The following CCDC78 variants were observed in gnomAD, a reference collection of about 807,000 sequenced individuals.
CCDC78 encodes the protein coiled-coil domain-containing protein 78.
A neutral mutation model predicts 61.9 loss-of-function variants in CCDC78; 78 were observed. The ratio of observed to expected loss-of-function variants is 1.26; its 90% confidence interval spans 1.05 to 1.52. The LOEUF is 1.52. Ranked by LOEUF, CCDC78 falls within the 40% of genes most tolerant of loss-of-function variation. CCDC78 has a pLI of 0.00. For synonymous variants in CCDC78, 287 were observed against 251.9 expected, an observed-to-expected ratio of 1.14 and a Z score of -1.32; for missense variants, 737 against 615.5, an observed-to-expected ratio of 1.20 and a Z score of -2.09.
At position 724,156 on chromosome 16, in the gene CCDC78, C is replaced by T; in HGVS notation, c.1003G>A (p.Glu335Lys). ...AIFDIASLDL[E>K]PLPVPLVTDF... is the part of the protein sequence containing the mutation. ...GTGACCAGGGGCACGGGCAATGGTT[C>T]CAGGTCCAAGCTGGCTATGTCAAAA... The change falls in exon 10 of 14, where the codon GAA (glutamate) becomes AAA (lysine). Residue 335 changes from glutamate (E) to lysine (K), a missense_variant. Glu to Lys is a moderately conservative substitution (Grantham distance 56). Coordinates refer to ENST00000345165, the MANE Select transcript of CCDC78 (RefSeq NM_001378030.1). 1 of 1,605,926 alleles carries T rather than the reference C, an allele frequency of 6.2e-7. No individual in the cohort carries two copies. Among genetic ancestry groups the T allele is most frequent in the Non-Finnish European group, 8.5e-7 (1 of 1,176,220 alleles).
At chr16:723,397 A>G (rs2040442529) in intron 11 of CCDC78, 1 of 700,102 alleles carries the variant, frequency 1.4e-6, no homozygotes, top group South Asian at 1.5e-5. Flanking sequence ...GGGCTAAACC[A>G]CAAGGCCAGC....
intron 4 of CCDC78, 27 bp from the exon 5 acceptor site, chr16:725,320 C>CT: frequency 6.2e-7 from 1 of 1,610,036 alleles, no homozygotes; most frequent in Non-Finnish European, 8.5e-7. Flanking sequence ...GCAGGGAAAG[C>CT]TAAGGGGTGG....
At chr16:724,265 G>A in intron 9 of CCDC78, 57 bp downstream of exon 9, 2 of 1,590,162 alleles carry the variant, frequency 1.3e-6, no homozygotes, top group Non-Finnish European at 1.7e-6. Context: ...AGCCTTTGAG[G>A]CACAGAGGCT....
At chr16:726,650 A>G (rs1179208091), upstream of CCDC78, 4 of 523,488 alleles carry the variant, frequency 7.6e-6, no homozygotes, top group East Asian at 1.4e-4. Context: ...GAAAGCGCCC[A>G]GCCTGGGCGC....
rs893873268 is a variant in CCDC78, at chr16:726,339, C to T, written c.29G>A (p.Arg10Lys). The part of the protein sequence containing the change: MEHAATTGP[R>K]PGPPSRRVEN... ...CACCCGCCGAGAGGGAGGTCCAGGC[C>T]TGGGGCCTGTGGTGGCTGCGTGCTC... Residue 10 changes from arginine to lysine, a missense_variant, in exon 1 of 14, where the codon AGG becomes AAG. Arg to Lys is a conservative substitution (Grantham distance 26). Transcript: ENST00000345165. 13 of 1,545,636 alleles carry T rather than the reference C, an allele frequency of 8.4e-6. No homozygotes were observed. The highest frequency in any genetic ancestry group is 8.3e-5 in the South Asian group (7 of 84,018).
At chr16:724,847 ACCCCGGCTGAGCTTCTGGGGC>A in intron 7 of CCDC78, 41 bp from the exon 8 acceptor site, 1 of 1,608,388 alleles carries the variant, frequency 6.2e-7, no homozygotes, top group Non-Finnish European at 8.5e-7. Context: ...CTGAGAGTGG[ACCCCGGCTGAGCTTCTGGGGC>A]CCCCACCCTC....
rs770164131 is a variant in CCDC78 at position 725,548 on chromosome 16, C to T, written c.300G>A (p.Leu100=). ...ILRLESRVLE[L]ELRGDGTSQG... The stretch of plus-strand genomic sequence containing the variant: ...GGCTGGTGCCATCTCCTCGCAGCTC[C>T]AGCTCCAGTACCCGGCTCTCCAGCC... The change falls in exon 4 of 14, where the codon CTG becomes CTA. Residue 100 remains leucine (L), a synonymous_variant. Coordinates refer to ENST00000345165, the MANE Select transcript of CCDC78 (RefSeq NM_001378030.1). The T allele has an allele frequency of 1.2e-6, 2 of 1,611,294 alleles. No homozygotes were observed. Among genetic ancestry groups the T allele is most frequent in the African/African-American group, 1.3e-5 (1 of 74,938 alleles).
intron 1 of CCDC78, 56 bp from the exon 2 acceptor site, chr16:726,141 C>T (rs951876219): frequency 6.5e-7 from 1 of 1,550,054 alleles, no homozygotes; most frequent in African/African-American, 1.4e-5. Flanking sequence ...GCTGTGGCCC[C>T]ACTCCCATGC....
At chr16:726,709 T>C (rs942806854), upstream of CCDC78, 45 of 452,124 alleles carry the variant, frequency 1.0e-4, no homozygotes, top group Non-Finnish European at 1.6e-4. Context: ...CAGGATGCCC[T>C]GAGCTACACT....
intron 11 of CCDC78, chr16:723,637 C>T (rs1414839879): frequency 2.9e-6 from 2 of 698,606 alleles, no homozygotes; most frequent in Admixed American, 2.0e-5. Context: ...TGTTCAAGGC[C>T]AGCTCCACCT....
chr16:726,107 T>C lies in CCDC78; in HGVS notation c.61-22A>G. ...CAACCTGGGGAGGTACCGCCACCCA[T>C]TCCCCAGGTGGGTCCCAGGCTGGGC... On this transcript the variant is annotated intron_variant, in intron 1 of 13. Transcript: ENST00000345165. The C allele has an allele frequency of 2.6e-6, 4 of 1,549,246 alleles. No homozygotes were observed. The highest frequency in any genetic ancestry group is 3.5e-6 in the Non-Finnish European group (4 of 1,146,646).
chr16:724,589 G>A lies in CCDC78; in HGVS notation c.766-80C>T, dbSNP rs758020711. On this transcript the variant is annotated intron_variant, in intron 8 of 13. Transcript: ENST00000345165. ...TCCCCCCACCCCAGCAGGCTGAGCA[G>A]TGCCGGGGCCCTGGGGTCTCCCTGA... 4.5e-6 allele frequency: 7 copies of A among 1,560,354 alleles called. No individual in the cohort carries two copies. In the Admixed American group the frequency reaches 5.6e-5, roughly 12 times the overall value.
upstream of CCDC78, chr16:726,493 C>G: frequency 8.2e-7 from 1 of 1,218,394 alleles, no homozygotes; most frequent in Non-Finnish European, 1.1e-6. Context: ...AGGTGACTCC[C>G]AGGGCACCGC....
intron 6 of CCDC78, 36 bp from the exon 7 acceptor site, chr16:725,025 A>T: frequency 8.7e-6 from 14 of 1,612,456 alleles, no homozygotes; most frequent in Non-Finnish European, 1.2e-5. Flanking sequence ...CAGGCCCACG[A>T]TCAGGGGTTC....
intron 3 of CCDC78, 42 bp from the exon 4 acceptor site, chr16:725,622 C>T: frequency 1.3e-6 from 2 of 1,591,060 alleles, no homozygotes; most frequent in Non-Finnish European, 1.7e-6. Context: ...TGCCCGCGGG[C>T]CACCTGGGGT....
intron 9 of CCDC78, 31 bp downstream of exon 9, chr16:724,291 G>A (rs374100885): frequency 1.9e-6 from 3 of 1,601,892 alleles, no homozygotes; most frequent in Non-Finnish European, 2.6e-6. Context: ...ACCCACAGAT[G>A]CCTGACACCT....
At chr16:724,015 T>C (rs1010233950) in intron 10 of CCDC78, 79 bp from the exon 11 acceptor site, 1 of 1,585,042 alleles carries the variant, frequency 6.3e-7, no homozygotes, top group East Asian at 2.2e-5. Context: ...GAGGTCTCTG[T>C]TGAGCCCAGG....
intron 11 of CCDC78, 141 bp downstream of exon 11, chr16:723,716 G>C: frequency 2.6e-6 from 2 of 763,992 alleles, no homozygotes; most frequent in South Asian, 1.5e-5. Flanking sequence ...CCCCAGGGTG[G>C]GGATGTGCCA....
rs776425669 is a variant in CCDC78 at position 725,252 on chromosome 16, G to C, written c.477C>G (p.His159Gln). The C allele has an allele frequency of 6.8e-6, 11 of 1,607,718 alleles. No homozygotes were observed. The highest frequency in any genetic ancestry group is 9.3e-6 in the Non-Finnish European group (11 of 1,179,988). Residue 159 changes from histidine to glutamine, a missense_variant, in exon 5 of 14, where the codon CAC becomes CAG. Physicochemically the swap from His to Gln is conservative, Grantham distance 24 (BLOSUM62 0). Transcript: ENST00000345165. The part of the protein sequence containing the change: ...KNTMNPENEQ[H>Q]RLGSGLQGEV... ...GCACACTCACGCCGCTCCCCAGCCTGTGCTGCTCATTCTCGGGGTTCATGG... is the reference window on the plus strand; with the variant it reads ...GCACACTCACGCCGCTCCCCAGCCTCTGCTGCTCATTCTCGGGGTTCATGG...
Sources: gnomAD v4.1 joint callset for allele counts on GRCh38, gnomAD v4.1.1 for gene constraint, MANE v1.5 for transcripts, NCBI Gene and HGNC (gene_info 2026-07-23, HGNC 2026-07-21) for gene names.